NPC1: variants seen among roughly 807,000 people sequenced by gnomAD.
The protein encoded by NPC1 is NPC intracellular cholesterol transporter 1.
NPC1 carries 85 observed loss-of-function variants against 140.4 expected under a neutral mutation model. The ratio of observed to expected loss-of-function variants is 0.61; its 90% CI spans 0.51 to 0.72. NPC1 has a LOEUF of 0.72. Among genes scored for constraint, NPC1 ranks in the 30% least tolerant of loss-of-function variants. The probability of loss-of-function intolerance (pLI) is 0.00; values close to 1 mark genes in which losing one functional copy is unlikely to be tolerated. For missense variants in NPC1, 1,504 were observed against 1,623.8 expected (o/e 0.93, Z 1.27); for synonymous variants, 656 against 624.8 (o/e 1.05, Z -0.74).
At chr18:23,537,886 T>C (rs2058655487) in intron 20 of NPC1, among the ~76,000 whole-genome samples, 11 of 152,202 alleles carry the variant, frequency 7.2e-5, no homozygotes. Flanking sequence ...GATATGACTC[T>C]GGTCAGATGT....
At chr18:23,578,814 C>T (rs2059323169) in intron 1 of NPC1, among the ~76,000 whole-genome samples, 1 of 152,224 alleles carries the variant, frequency 6.6e-6, no homozygotes, top group Admixed American at 6.5e-5. Context: ...TCCTCTTCAA[C>T]AGAGTTTCAA....
Position 23,534,570 on chromosome 18 carries a change from G to T in NPC1, c.3478-11C>A, listed in dbSNP as rs2058597602. The stretch of plus-strand genomic sequence containing the variant: ...GGAGATGCCACAGCTCTGAAATAAA[G>T]CACTTCCTTTAGGATGGCTCTCTTC... On this transcript the variant is annotated splice_polypyrimidine_tract_variant and intron_variant, in intron 22 of 24. Transcript: ENST00000269228. The T allele has an allele frequency of 2.5e-6, 4 of 1,605,576 alleles. No homozygotes were observed. In the South Asian group the frequency reaches 4.4e-5, roughly 18 times the overall value.
chr18:23,539,066 C>T (rs941755836), intron 19 of NPC1: 3 of 477,888 alleles, frequency 6.3e-6, no homozygotes, highest in Non-Finnish European at 1.1e-5. Context: ...GGCCAGATAC[C>T]AATCCTGAGA....
downstream of NPC1, chr18:23,518,787 C>A: frequency 9.9e-7 from 1 of 1,008,698 alleles, no homozygotes; most frequent in South Asian, 1.5e-5. Context: ...GCAAAATACT[C>A]CATTAAGTGA....
chr18:23,563,890 G>T (rs2059080234), intron 4 of NPC1, among the ~76,000 whole-genome samples: 1 of 150,770 alleles, frequency 6.6e-6, no homozygotes, highest in Non-Finnish European at 1.5e-5. Flanking sequence ...TCATGTGCTT[G>T]TTGGTCATTT....
chr18:23,526,862 C>T (rs1184385316), downstream of NPC1: 11 of 1,477,394 alleles, frequency 7.4e-6, no homozygotes, highest in Non-Finnish European at 9.1e-6. Flanking sequence ...TGTGTCTTGT[C>T]TGTGACCCAC....
At chr18:23,533,095 C>A in intron 24 of NPC1, 1 of 632,608 alleles carries the variant, frequency 1.6e-6, no homozygotes, top group Non-Finnish European at 2.4e-6. Context: ...CATTCAAGGA[C>A]TGGCTCCAGG....
rs544254016 is a variant in NPC1 at position 23,577,668 on chromosome 18, C to T, written c.58-4094G>A. On this transcript the variant is annotated intron_variant, in intron 1 of 24. Coordinates refer to ENST00000269228, the MANE Select transcript of NPC1 (RefSeq NM_000271.5). Reference sequence around the variant, plus strand: ...TTGGGTGGTCGATGGGACTGGGCGCCGTGGAGCAGGGGGTGGCGCTCGTCG... The same window carrying T: ...TTGGGTGGTCGATGGGACTGGGCGCTGTGGAGCAGGGGGTGGCGCTCGTCG... Among the ~76,000 whole-genome samples, 128 of 152,352 alleles carry T rather than the reference C, an allele frequency of 8.4e-4. 1 individual carries two copies. Among genetic ancestry groups the T allele is most frequent in the African/African-American group, 2.6e-3 (110 of 41,580 alleles).
At chr18:23,585,949 A>G (rs2145602147) in intron 1 of NPC1, among the ~76,000 whole-genome samples, 1 of 152,356 alleles carries the variant, frequency 6.6e-6, no homozygotes, top group South Asian at 2.1e-4. Flanking sequence ...GTGCGCATGT[A>G]GCAGAATTTT....
chr18:23,525,033 GCCTC>G (rs1400058946), downstream of NPC1, among the ~76,000 whole-genome samples: 2 of 125,910 alleles, frequency 1.6e-5, no homozygotes, highest in African/African-American at 6.1e-5. Flanking sequence ...TGCAACCTCC[GCCTC>G]CCGGGTTCAA....
chr18:23,517,617 C>T (rs1013403961), downstream of NPC1, among the ~76,000 whole-genome samples: 3 of 152,166 alleles, frequency 2.0e-5, no homozygotes, highest in African/African-American at 4.8e-5. Flanking sequence ...CTTCTGTGGC[C>T]TAAAACAGTG....
At position 23,572,683 on chromosome 18, in the gene NPC1, A is replaced by T. The variant is rs185107981; in HGVS notation, c.181-503T>A. Among the ~76,000 whole-genome samples the T allele has an allele frequency of 1.5e-3, 227 of 152,270 alleles. 1 individual carries two copies. Among genetic ancestry groups the T allele is most frequent in the Admixed American group, 4.0e-3 (61 of 15,286 alleles). On this transcript the variant is annotated intron_variant, in intron 2 of 24. Transcript: ENST00000269228. ...GCCCCATCTCCCCAAATTTTTAAAA[A>T]ATTAGCCAGGGGTTGTGGCATGTGC...
At chr18:23,553,940 G>T (rs2145442625) in intron 9 of NPC1, among the ~76,000 whole-genome samples, 1 of 152,292 alleles carries the variant, frequency 6.6e-6, no homozygotes, top group Non-Finnish European at 1.5e-5. Flanking sequence ...GCACTACAGG[G>T]GACTGGGCTA....
In NPC1 at chr18:23,544,261, C is replaced by CT. The variant is rs1051449341; in HGVS notation, c.2130+82dup. 40 of 1,341,154 alleles carry CT rather than the reference C, an allele frequency of 3.0e-5. No homozygotes were observed. In the African/African-American group the frequency reaches 5.5e-4, roughly 18 times the overall value. 83.1% of individuals were successfully genotyped at this position (1,341,154 alleles called of 1,614,324 possible). ...AAACAAAACACCCTCACAGGTCACA[C>CT]TCACGAATGCGGAGCCCAGGAGCCA... On this transcript the variant is annotated intron_variant, in intron 13 of 24. Transcript: ENST00000269228.
intron 22 of NPC1, among the ~76,000 whole-genome samples, chr18:23,535,021 G>A (rs1224121047): frequency 2.6e-5 from 4 of 152,132 alleles, no homozygotes; most frequent in South Asian, 2.1e-4. Context: ...ACTGGTCGGA[G>A]AGCTCCTGGG....
chr18:23,560,486 G>A lies in NPC1; in HGVS notation c.632-6C>T. 2 of 1,613,910 alleles carry A rather than the reference G, an allele frequency of 1.2e-6. No homozygotes were observed. Among genetic ancestry groups the A allele is most frequent in the African/African-American group, 1.3e-5 (1 of 75,042 alleles). On this transcript the variant is annotated splice_polypyrimidine_tract_variant and splice_region_variant and intron_variant, in intron 5 of 24. Coordinates refer to ENST00000269228, the MANE Select transcript of NPC1 (RefSeq NM_000271.5). ...CATCCCATGGACTGGAAAATCTACA[G>A]AAAGGAATTGTGTTGAGTACAAATC...
chr18:23,545,440 A>C (rs2058775928), intron 11 of NPC1, among the ~76,000 whole-genome samples: 1 of 152,096 alleles, frequency 6.6e-6, no homozygotes, highest in Non-Finnish European at 1.5e-5. Context: ...ACAGGGTTTC[A>C]CCATGTTGGC....
At position 23,550,479 on chromosome 18, in the gene NPC1, C is replaced by CTTCTTTTTTTTTTTTTTTTTTT. The variant is rs746388624; in HGVS notation, c.1654+1147_1654+1148insAAAAAAAAAAAAAAAAAAAGAA. On this transcript the variant is annotated intron_variant, in intron 10 of 24. Transcript: ENST00000269228. Reference sequence around the variant, plus strand: ...GAATTTTCTTCCAGTTCTTACATTTCTTTTTTTTTTTTTTTTTTTTGAGAT... The same window carrying CTTCTTTTTTTTTTTTTTTTTTT: ...GAATTTTCTTCCAGTTCTTACATTTCTTCTTTTTTTTTTTTTTTTTTTTTTTTTTTTTTTTTTTTTTTGAGAT... 3.7e-4 allele frequency among the ~76,000 whole-genome samples: 28 copies of CTTCTTTTTTTTTTTTTTTTTTT among 74,946 alleles called. 1 individual carries two copies. The highest frequency in any genetic ancestry group is 1.8e-3 in the African/African-American group (28 of 15,426). 49.2% of individuals were successfully genotyped at this position (74,946 alleles called of 152,430 possible).
chr18:23,509,046 TAAAAGA>T (rs2057782330), intron 3 of NPC1: 1 of 334,298 alleles, frequency 3.0e-6, no homozygotes, highest in Non-Finnish European at 5.4e-6. Context: ...ACATTGTATT[TAAAAGA>T]AAATTTGTTT....
Sources: gnomAD v4.1 joint callset for allele counts (sites outside exome capture counted in the v4.1 genomes callset) on GRCh38, gnomAD v4.1.1 for gene constraint, MANE v1.5 for transcripts, NCBI Gene and HGNC (gene_info 2026-07-23, HGNC 2026-07-21) for gene names.